FIP1L1: variants seen among roughly 807,000 people sequenced by gnomAD.
The protein encoded by FIP1L1 is factor interacting with PAPOLA and CPSF1.
In FIP1L1, 21 loss-of-function variants were observed where a neutral mutation model predicts 84.6. The observed-to-expected ratio is 0.25, with a 90% confidence interval of 0.18 to 0.36. The LOEUF (loss-of-function observed/expected upper bound fraction) is 0.36, where lower values mean the gene tolerates loss of function less well. FIP1L1 is among the 10% of genes least tolerant of loss of function. The probability of loss-of-function intolerance (pLI) is 1.00; values close to 1 mark genes in which losing one functional copy is unlikely to be tolerated. For missense variants in FIP1L1, 526 were observed against 751.1 expected, an observed-to-expected ratio of 0.70 and a Z score of 3.50; for synonymous variants, 263 against 242.3, an observed-to-expected ratio of 1.09 and a Z score of -0.80.
chr4:53,379,217 C>T lies in FIP1L1; in HGVS notation c.131-8C>T. On this transcript the variant is annotated splice_region_variant and splice_polypyrimidine_tract_variant and intron_variant, in intron 2 of 17. Coordinates refer to ENST00000337488, the MANE Select transcript of FIP1L1 (RefSeq NM_030917.4). ...CTTATTTATTTATTTGTTTATTTTACTTGGTAGATGAAAATGAAGTTGAAA... is the reference window on the plus strand; with the variant it reads ...CTTATTTATTTATTTGTTTATTTTATTTGGTAGATGAAAATGAAGTTGAAA... The T allele has an allele frequency of 1.2e-6, 2 of 1,604,810 alleles. No individual in the cohort carries two copies.
chr4:53,433,102 T>C (rs1338350207), intron 13 of FIP1L1, among the ~76,000 whole-genome samples: 3 of 152,246 alleles, frequency 2.0e-5, no homozygotes, highest in South Asian at 2.1e-4. Context: ...ATTAATGTTA[T>C]AGGGTAGGTG....
intron 11 of FIP1L1, among the ~76,000 whole-genome samples, chr4:53,416,722 T>C (rs574765724): frequency 1.2e-4 from 18 of 152,308 alleles, no homozygotes; most frequent in African/African-American, 4.3e-4. Flanking sequence ...CCCAGCACTT[T>C]GGGAGACCGA....
At position 53,442,637 on chromosome 4, in the gene FIP1L1, T is replaced by C. The variant is rs759822139; in HGVS notation, c.1175-16T>C. ...TACATTGTTAACATTTTTTATCTTA[T>C]GATTGAATGTTTCAGGTTTTCCTCC... On this transcript the variant is annotated splice_polypyrimidine_tract_variant and intron_variant, in intron 13 of 17. Coordinates refer to ENST00000337488, the MANE Select transcript of FIP1L1 (RefSeq NM_030917.4). 23 of 1,574,586 alleles carry C rather than the reference T, an allele frequency of 1.5e-5. No homozygotes were observed. Among genetic ancestry groups the C allele is most frequent in the African/African-American group, 9.5e-5 (7 of 74,070 alleles).
intron 16 of FIP1L1, among the ~76,000 whole-genome samples, chr4:53,454,401 C>A (rs2150413551): frequency 6.6e-6 from 1 of 152,342 alleles, no homozygotes; most frequent in South Asian, 2.1e-4. Context: ...TAATGCATTT[C>A]TCAGAACATA....
Position 53,453,005 on chromosome 4 carries a change from A to T in FIP1L1, c.1371A>T (p.Arg457Ser). Residue 457 changes from arginine (R) to serine (S), a missense_variant, in exon 16 of 18, where the codon AGA becomes AGT. This residue lies in a region of FIP1L1 where 83 missense variants were observed against 93.8 expected (regional missense o/e 0.88). Coordinates refer to ENST00000337488, the MANE Select transcript of FIP1L1 (RefSeq NM_030917.4). ...TSKQWDYYAR[R>S]EKDRDRERDR... ...AGCAGTGGGACTATTATGCCAGAAGAGAGAAAGACCGAGATAGAGAGAGAG... is the reference window on the plus strand; with the variant it reads ...AGCAGTGGGACTATTATGCCAGAAGTGAGAAAGACCGAGATAGAGAGAGAG... 1 of 1,613,920 alleles carries T rather than the reference A, an allele frequency of 6.2e-7. No homozygotes were observed.
intron 11 of FIP1L1, among the ~76,000 whole-genome samples, chr4:53,422,151 G>A (rs1762649965): frequency 6.6e-6 from 1 of 152,204 alleles, no homozygotes; most frequent in African/African-American, 2.4e-5. Context: ...ACATGAGATT[G>A]CAATCCATTA....
chr4:53,387,020 A>G (rs1422186964), intron 5 of FIP1L1, among the ~76,000 whole-genome samples: 1 of 152,218 alleles, frequency 6.6e-6, no homozygotes, highest in Admixed American at 6.5e-5. Context: ...TCATTTGAAA[A>G]GATAACTCTA....
At chr4:53,393,544 T>G (rs1265746752) in intron 9 of FIP1L1, among the ~76,000 whole-genome samples, 1 of 149,912 alleles carries the variant, frequency 6.7e-6, no homozygotes, top group Admixed American at 6.6e-5. Context: ...ATGAATAAAG[T>G]TTTTTTAAAA....
intron 9 of FIP1L1, among the ~76,000 whole-genome samples, chr4:53,393,765 C>CA (rs1227629921): frequency 0.013 from 9 of 698 alleles, no homozygotes; most frequent in East Asian, 0.038. Flanking sequence ...TTCCCCCCGG[C>CA]CCCCCCCCCC....
In FIP1L1 at chr4:53,391,005, T is replaced by C; in HGVS notation, c.506-4T>C. On this transcript the variant is annotated splice_polypyrimidine_tract_variant and splice_region_variant and intron_variant, in intron 7 of 17. Transcript: ENST00000337488. ...TGTACACTAAAGTTGTGTTTTATCTTTAGGTGCTGATCTTTCTGATTATTT... is the reference window on the plus strand; with the variant it reads ...TGTACACTAAAGTTGTGTTTTATCTCTAGGTGCTGATCTTTCTGATTATTT... 1 of 1,586,794 alleles carries C rather than the reference T, an allele frequency of 6.3e-7. No homozygotes were observed. Among genetic ancestry groups the C allele is most frequent in the Non-Finnish European group, 8.5e-7 (1 of 1,170,544 alleles).
intron 10 of FIP1L1, 77 bp from the exon 11 acceptor site, chr4:53,414,538 G>GA (rs10719406): frequency 0.041 from 29,563 of 728,158 alleles, 1 homozygote; most frequent in East Asian, 0.059. Flanking sequence ...AGCATGTCAA[G>GA]AAAAAAAAAA....
chr4:53,411,300 T>G (rs1046223805), intron 10 of FIP1L1, among the ~76,000 whole-genome samples: 3 of 152,138 alleles, frequency 2.0e-5, no homozygotes, highest in African/African-American at 7.2e-5. Flanking sequence ...GGGCTATCAC[T>G]ACTAAAAAAC....
intron 16 of FIP1L1, among the ~76,000 whole-genome samples, chr4:53,455,229 C>G (rs1471901555): frequency 6.6e-6 from 1 of 152,116 alleles, no homozygotes; most frequent in Admixed American, 6.6e-5. Flanking sequence ...TTTTCTTAAC[C>G]ATTCATGTGT....
chr4:53,381,609 A>T (rs1737917463), intron 3 of FIP1L1, among the ~76,000 whole-genome samples: 1 of 152,202 alleles, frequency 6.6e-6, no homozygotes, highest in Non-Finnish European at 1.5e-5. Flanking sequence ...ATTGTGCTAT[A>T]AAATGCCACT....
chr4:53,408,690 G>A (rs1384033466), intron 10 of FIP1L1, among the ~76,000 whole-genome samples: 25 of 152,116 alleles, frequency 1.6e-4, no homozygotes, highest in African/African-American at 4.1e-4. Flanking sequence ...GGCTTTGTTC[G>A]TTTCTTTTTA....
rs576461300 is a variant in FIP1L1, at chr4:53,426,211, T to C, written c.1017+246T>C. Among the ~76,000 whole-genome samples the C allele has an allele frequency of 9.9e-5, 15 of 152,282 alleles. No homozygotes were observed. In the South Asian group the frequency reaches 2.9e-3, roughly 29 times the overall value. ...AACATAGTACAGGTTGAGTATCTCT[T>C]ATCTGAAATGCTTGGGACCAGAAGT... On this transcript the variant is annotated intron_variant, in intron 12 of 17. Coordinates refer to ENST00000337488, the MANE Select transcript of FIP1L1 (RefSeq NM_030917.4).
chr4:53,436,618 C>T (rs1215659850), intron 13 of FIP1L1, among the ~76,000 whole-genome samples: 1 of 152,038 alleles, frequency 6.6e-6, no homozygotes, highest in East Asian at 1.9e-4. Flanking sequence ...AGACAGGGAT[C>T]ATTGAGAGCC....
intron 9 of FIP1L1, among the ~76,000 whole-genome samples, chr4:53,393,600 A>G (rs1462029012): frequency 6.6e-6 from 1 of 152,226 alleles, no homozygotes; most frequent in Non-Finnish European, 1.5e-5. Flanking sequence ...AAGCCACTCA[A>G]TTGGGTACAA....
At chr4:53,400,588 T>C (rs771863912) in intron 10 of FIP1L1, among the ~76,000 whole-genome samples, 2 of 152,204 alleles carry the variant, frequency 1.3e-5, no homozygotes, top group Non-Finnish European at 2.9e-5. Flanking sequence ...TTTAAATTTA[T>C]TTTATATAGT....
Sources: gnomAD v4.1 joint callset for allele counts (sites outside exome capture counted in the v4.1 genomes callset) on GRCh38, gnomAD v4.1.1 for gene constraint, gnomAD v4.1.1 regional missense constraint, MANE v1.5 for transcripts, NCBI Gene and HGNC (gene_info 2026-07-23, HGNC 2026-07-21) for gene names.